The following RESF1 variants were observed in gnomAD, a reference collection of about 807,000 sequenced individuals.
The protein encoded by RESF1 is retroelement silencing factor 1.
In RESF1, 65 loss-of-function variants were observed where a neutral mutation model predicts 134.7. The ratio of observed to expected loss-of-function variants is 0.48; its 90% CI spans 0.40 to 0.59. RESF1 has a LOEUF of 0.59. RESF1 is among the 20% of genes least tolerant of loss of function. RESF1 has a pLI of 0.00. For synonymous variants in RESF1, 762 were observed against 702.2 expected (o/e 1.09, Z -1.35); for missense variants, 2,274 against 2,002.7 (o/e 1.14, Z -2.59).
At chr12:31,959,938 T>A (rs894936540) in intron 1 of RESF1, 1 of 151,836 alleles carries the variant, frequency 6.6e-6, no homozygotes. Flanking sequence ...AAGGCTTTCC[T>A]GTCGCTGGAG....
intron 4 of RESF1, among the ~76,000 whole-genome samples, chr12:31,986,630 G>A (rs1939976625): frequency 6.6e-6 from 1 of 152,208 alleles, no homozygotes; most frequent in African/African-American, 2.4e-5. Flanking sequence ...TGTAGTGCAG[G>A]AAGGAAGGAG....
rs1347093686 is a variant in RESF1 at position 31,982,005 on chromosome 12, T to C, written c.1050T>C (p.Phe350=). 2 of 1,614,170 alleles carry C rather than the reference T, an allele frequency of 1.2e-6. No homozygotes were observed. Among genetic ancestry groups the C allele is most frequent in the Non-Finnish European group, 1.7e-6 (2 of 1,179,994 alleles). ...TAAATACCAACAGCAAACAGCCTTT[T>C]AACAGTCCCATTAGATCTTCTGTGG... ...LKVNTNSKQP[F]NSPIRSSVDG... Residue 350 remains phenylalanine (F), a synonymous_variant, in exon 4 of 6, where the codon TTT becomes TTC. Coordinates refer to ENST00000312561, the MANE Select transcript of RESF1 (RefSeq NM_018169.4).
chr12:31,966,365 C>T lies in RESF1; in HGVS notation c.-246-3824C>T, dbSNP rs527453529. Among the ~76,000 whole-genome samples the T allele has an allele frequency of 5.3e-5, 8 of 152,150 alleles. 1 individual carries two copies. In the South Asian group the frequency reaches 6.2e-4, roughly 12 times the overall value. On this transcript the variant is annotated intron_variant, in intron 2 of 5. Transcript: ENST00000312561. ...GAATTCTCGTAGGGTAACTGGCTTC[C>T]GCTTCATGTGTTCTCTGTTGTCTTT...
chr12:31,968,158 T>TTA (rs1233374197), intron 2 of RESF1, among the ~76,000 whole-genome samples: 1 of 152,380 alleles, frequency 6.6e-6, no homozygotes, highest in African/African-American at 2.4e-5. Flanking sequence ...TTTACTCAGT[T>TTA]TAACCATATC....
chr12:31,984,701 C>A lies in RESF1; in HGVS notation c.3746C>A (p.Pro1249His), dbSNP rs757187726. Residue 1249 changes from proline to histidine, a missense_variant, in exon 4 of 6, where the codon CCT (proline) becomes CAT (histidine). By Grantham distance (77) the Pro-to-His change is moderately conservative. Transcript: ENST00000312561. The part of the protein sequence containing the change: ...KTPPDGKSHF[P>H]ELQDDSRKDT... ...CCTCCAGATGGGAAAAGTCATTTTC[C>A]TGAACTACAAGACGACAGTAGAAAA... is the stretch of plus-strand genomic sequence containing the variant. The A allele has an allele frequency of 1.9e-6, 3 of 1,594,252 alleles. No individual in the cohort carries two copies. The South Asian group carries it at 3.5e-5, about 18-fold the overall frequency.
Position 31,985,121 on chromosome 12 carries a change from AAAAG to A in RESF1, c.4170_4173del (p.Lys1390AsnfsTer17), listed in dbSNP as rs1182606979. 1 of 1,548,872 alleles carries A rather than the reference AAAAG, an allele frequency of 6.5e-7. No individual in the cohort carries two copies. The highest frequency in any genetic ancestry group is 1.4e-5 in the African/African-American group (1 of 71,964). ...AACGTATTAGATATGGAAGTAAAGA[AAAAG>A]AAACATGATAAACAAGAACAGAAAG... is the stretch of plus-strand genomic sequence containing the variant. On this transcript the variant is annotated frameshift_variant, in exon 4 of 6. Coordinates refer to ENST00000312561, the MANE Select transcript of RESF1 (RefSeq NM_018169.4). LOFTEE classifies it high-confidence loss of function.
chr12:31,964,202 T>C (rs34358949), intron 2 of RESF1, among the ~76,000 whole-genome samples: 16,683 of 133,964 alleles, frequency 0.12, 1,059 homozygotes, highest in East Asian at 0.22. Context: ...GGTAAAGTTG[T>C]GTCATGGGGG....
chr12:31,985,410 C>G lies in RESF1; in HGVS notation c.4455C>G (p.Ala1485=), dbSNP rs763343524. The change falls in exon 4 of 6, where the codon GCC becomes GCG. Residue 1485 remains alanine (A), a synonymous_variant. Transcript: ENST00000312561. ...AACATATGAGACCAAGTAAACTTGC[C>G]GTGCAGGTTGAAAGTTGTGGGAAAT... The part of the protein sequence containing the change: ...DSEHMRPSKL[A]VQVESCGKSN... 2 of 1,605,126 alleles carry G rather than the reference C, an allele frequency of 1.2e-6. No homozygotes were observed. Among genetic ancestry groups the G allele is most frequent in the South Asian group, 2.2e-5 (2 of 89,058 alleles).
Position 31,992,840 on chromosome 12 carries a change from G to T in RESF1, c.*305G>T. ...CAATTTGAAATTCTACCCATCTTGA[G>T]GGAGGACCGTTCCTCAGTTAAGGAC... On this transcript the variant is annotated 3_prime_UTR_variant, in exon 6 of 6. Transcript: ENST00000312561. 1 of 322,940 alleles carries T rather than the reference G, an allele frequency of 3.1e-6. No individual in the cohort carries two copies. Among genetic ancestry groups the T allele is most frequent in the Non-Finnish European group, 5.8e-6 (1 of 172,570 alleles). The allele number at this position is 322,940 out of a possible 1,614,324, so 20.0% of individuals were successfully genotyped here.
intron 5 of RESF1, among the ~76,000 whole-genome samples, chr12:31,988,432 G>A (rs1386559408): frequency 6.6e-6 from 1 of 152,186 alleles, no homozygotes; most frequent in Non-Finnish European, 1.5e-5. Flanking sequence ...GGTATTAAAA[G>A]TAATCTAGAA....
rs1455663361 is a variant in RESF1 at position 31,992,389 on chromosome 12, T to G, written c.5098T>G (p.Ser1700Ala). Reference sequence around the variant, plus strand: ...TTTATTTCCCTTAGATAATGTTAATTCAAGACTCTCGAAGAGAAGCTTCAG... The same window carrying G: ...TTTATTTCCCTTAGATAATGTTAATGCAAGACTCTCGAAGAGAAGCTTCAG... The part of the protein sequence containing the change: ...KDSQERDNVN[S>A]RLSKRSFSAD... Residue 1700 changes from serine (S) to alanine (A), a missense_variant, in exon 6 of 6, where the codon TCA becomes GCA. By Grantham distance (99) the Ser-to-Ala change is moderately conservative. Coordinates refer to ENST00000312561, the MANE Select transcript of RESF1 (RefSeq NM_018169.4). 6.2e-7 allele frequency: 1 copy of G among 1,611,204 alleles called. No homozygotes were observed. Among genetic ancestry groups the G allele is most frequent in the Non-Finnish European group, 8.5e-7 (1 of 1,178,730 alleles).
intron 3 of RESF1, among the ~76,000 whole-genome samples, chr12:31,971,559 T>C (rs1939508539): frequency 6.6e-6 from 1 of 152,242 alleles, no homozygotes; most frequent in Non-Finnish European, 1.5e-5. Context: ...TTGGATAGTT[T>C]TTAAAATCCA....
At chr12:31,988,316 CTG>C (rs1391845338) in intron 5 of RESF1, among the ~76,000 whole-genome samples, 4 of 151,994 alleles carry the variant, frequency 2.6e-5, no homozygotes, top group South Asian at 4.1e-4. Flanking sequence ...ATTCAAGCAA[CTG>C]TGGATCCAAA....
intron 2 of RESF1, chr12:31,962,434 G>C (rs1285634651): frequency 6.6e-6 from 1 of 152,144 alleles, no homozygotes; most frequent in African/African-American, 2.4e-5. Context: ...AAGAATCTTG[G>C]ACCTTGAGGA....
At chr12:31,970,776 C>G (rs915073912) in intron 3 of RESF1, among the ~76,000 whole-genome samples, 1 of 152,182 alleles carries the variant, frequency 6.6e-6, no homozygotes, top group Non-Finnish European at 1.5e-5. Flanking sequence ...ACATTTTAGC[C>G]TATATGTTGC....
Position 31,983,967 on chromosome 12 carries a change from A to ACTTGG in RESF1, c.3012_3013insCTTGG (p.Ser1005LeufsTer23). 1 of 1,613,618 alleles carries ACTTGG rather than the reference A, an allele frequency of 6.2e-7. No homozygotes were observed. On this transcript the variant is annotated frameshift_variant, in exon 4 of 6. Transcript: ENST00000312561. LOFTEE classifies it high-confidence loss of function. ...GTAGTTTGGAGCATGCCACTGAAAA[A>ACTTGG]AGCACAGCTAACGATACGTGCTCGT...
intron 2 of RESF1, among the ~76,000 whole-genome samples, chr12:31,961,704 G>A (rs2120746903): frequency 6.6e-6 from 1 of 152,144 alleles, no homozygotes; most frequent in Admixed American, 6.5e-5. Flanking sequence ...GTCTTGTTTT[G>A]TTAGGAAGTA....
At chr12:31,980,270 C>G (rs765142762) in intron 3 of RESF1, among the ~76,000 whole-genome samples, 7 of 151,922 alleles carry the variant, frequency 4.6e-5, no homozygotes, top group African/African-American at 7.2e-5. Flanking sequence ...CACCACCACA[C>G]CCCGCTAATT....
chr12:31,965,889 C>CAAA (rs10665492), intron 2 of RESF1, among the ~76,000 whole-genome samples: 4,324 of 113,864 alleles, frequency 0.038, 223 homozygotes, highest in Admixed American at 0.1. Flanking sequence ...GACTTCGTCT[C>CAAA]AAAAAAAAAA....
Sources: allele counts gnomAD v4.1 joint callset (sites outside exome capture counted in the v4.1 genomes callset), GRCh38; gene constraint gnomAD v4.1.1; transcripts MANE v1.5; gene names NCBI Gene and HGNC (gene_info 2026-07-23, HGNC 2026-07-21).